Variants in CSMD1 observed in about 807,000 individuals in gnomAD.
The protein encoded by CSMD1 is CUB and Sushi multiple domains 1.
CSMD1 carries 213 observed loss-of-function variants against 417.5 expected under a neutral mutation model. The ratio of observed to expected loss-of-function variants is 0.51; its 90% CI spans 0.46 to 0.57. The LOEUF (loss-of-function observed/expected upper bound fraction) is 0.57. CSMD1 is among the 20% of genes least tolerant of loss of function. The probability of loss-of-function intolerance (pLI) is 0.00; values close to 1 mark genes in which losing one functional copy is unlikely to be tolerated. For synonymous variants in CSMD1, 2,862 were observed against 1,736.8 expected (o/e 1.65, Z -16.11); for missense variants, 6,923 against 4,529.7 (o/e 1.53, Z -15.17).
At chr8:4,488,409 C>G (rs62479708) in intron 2 of CSMD1, among the ~76,000 whole-genome samples, 13,715 of 152,052 alleles carry the variant, frequency 0.09, 644 homozygotes, top group South Asian at 0.1. Flanking sequence ...GGGGCTTGAT[C>G]TCGTTGCCTC....
At chr8:4,616,447 G>C (rs1471343897) in intron 2 of CSMD1, among the ~76,000 whole-genome samples, 1 of 152,170 alleles carries the variant, frequency 6.6e-6, no homozygotes, top group Non-Finnish European at 1.5e-5. Context: ...GTCTGTAAGA[G>C]TAAAACTAAC....
At position 4,564,020 on chromosome 8, in the gene CSMD1, T is replaced by A. The variant is rs577309014; in HGVS notation, c.302+73322A>T. 3.9e-5 allele frequency among the ~76,000 whole-genome samples: 6 copies of A among 152,208 alleles called. No homozygotes were observed. The South Asian group carries it at 1.2e-3, about 32-fold the overall frequency. Reference sequence around the variant, plus strand: ...AAAATGAGGAGTTACGCCCATGGAGTTGCAACTCATGGAAGCCCAGTTAGC... The same window carrying A: ...AAAATGAGGAGTTACGCCCATGGAGATGCAACTCATGGAAGCCCAGTTAGC... On this transcript the variant is annotated intron_variant, in intron 2 of 69. Transcript: ENST00000635120.
intron 1 of CSMD1, among the ~76,000 whole-genome samples, chr8:4,915,654 G>A (rs561404992): frequency 4.7e-4 from 72 of 152,302 alleles, no homozygotes; most frequent in Non-Finnish European, 8.5e-4. Flanking sequence ...CCCAGACCTC[G>A]GACGAGGGAA....
At chr8:3,793,193 T>C (rs1799845298) in intron 5 of CSMD1, among the ~76,000 whole-genome samples, 1 of 152,200 alleles carries the variant, frequency 6.6e-6, no homozygotes, top group African/African-American at 2.4e-5. Flanking sequence ...TTTTTCTGTT[T>C]AGCAATTTTT....
intron 5 of CSMD1, among the ~76,000 whole-genome samples, chr8:3,995,649 G>T (rs1418978554): frequency 6.6e-6 from 1 of 152,176 alleles, no homozygotes; most frequent in Non-Finnish European, 1.5e-5. Flanking sequence ...GCATATCTCA[G>T]TTTTATTTTT....
At chr8:3,251,545 G>A (rs549063682) in intron 26 of CSMD1, among the ~76,000 whole-genome samples, 14 of 152,174 alleles carry the variant, frequency 9.2e-5, no homozygotes, top group South Asian at 4.1e-4. Context: ...TTGGCGATGC[G>A]GGCTCTTTTT....
chr8:3,923,793 T>G lies in CSMD1; in HGVS notation c.818+74110A>C, dbSNP rs1809448391. Among the ~76,000 whole-genome samples, 5 of 152,212 alleles carry G rather than the reference T, an allele frequency of 3.3e-5. No individual in the cohort carries two copies. The South Asian group carries it at 1.0e-3, about 31-fold the overall frequency. ...TTTCACCTTTTCACCAAGCTCATAG[T>G]TACCACTGTTCTACTCCCTGCGTCT... On this transcript the variant is annotated intron_variant, in intron 5 of 69. Transcript: ENST00000635120.
At chr8:4,882,591 C>G (rs1402970299) in intron 1 of CSMD1, among the ~76,000 whole-genome samples, 1 of 151,844 alleles carries the variant, frequency 6.6e-6, no homozygotes, top group African/African-American at 2.4e-5. Flanking sequence ...CAACCCCAAG[C>G]ATAGAGAAAG....
intron 2 of CSMD1, 104 bp from the exon 3 acceptor site, chr8:4,420,169 T>C: frequency 1.5e-6 from 1 of 687,516 alleles, no homozygotes; most frequent in Non-Finnish European, 2.5e-6. Context: ...GTATATTCAC[T>C]TGAAATATGG....
chr8:4,925,562 T>G (rs933234092), intron 1 of CSMD1, among the ~76,000 whole-genome samples: 1 of 152,048 alleles, frequency 6.6e-6, no homozygotes, highest in South Asian at 2.1e-4. Flanking sequence ...TTTCTTTTTT[T>G]TTGAGACGGA....
At chr8:3,751,286 T>C (rs1475396905) in intron 6 of CSMD1, among the ~76,000 whole-genome samples, 1 of 142,972 alleles carries the variant, frequency 7.0e-6, no homozygotes, top group Non-Finnish European at 1.5e-5. Flanking sequence ...TCTCTCCTTA[T>C]ATATACAATT....
intron 2 of CSMD1, among the ~76,000 whole-genome samples, chr8:4,511,351 C>G (rs574579483): frequency 6.6e-6 from 1 of 152,168 alleles, no homozygotes; most frequent in African/African-American, 2.4e-5. Flanking sequence ...AGAGGAGGGG[C>G]ATGCAGGCTT....
intron 33 of CSMD1, among the ~76,000 whole-genome samples, chr8:3,197,137 G>T (rs963329297): frequency 6.6e-6 from 1 of 152,190 alleles, no homozygotes; most frequent in Non-Finnish European, 1.5e-5. Flanking sequence ...CAGAAAGATG[G>T]TAACATCATC....
At chr8:2,958,450 C>T (rs1803183402) in intron 62 of CSMD1, among the ~76,000 whole-genome samples, 1 of 151,518 alleles carries the variant, frequency 6.6e-6, no homozygotes, top group Admixed American at 6.6e-5. Flanking sequence ...CCACTCACCA[C>T]AGTGTCCTGG....
intron 10 of CSMD1, among the ~76,000 whole-genome samples, chr8:3,570,458 C>G (rs571869626): frequency 6.6e-6 from 1 of 152,272 alleles, no homozygotes; most frequent in African/African-American, 2.4e-5. Context: ...CATCTCTAGC[C>G]AAACATGCCT....
intron 1 of CSMD1, among the ~76,000 whole-genome samples, chr8:4,844,137 C>A (rs1013990871): frequency 6.6e-6 from 1 of 152,092 alleles, no homozygotes; most frequent in Non-Finnish European, 1.5e-5. Flanking sequence ...ATTTACAAAT[C>A]ATATTTTTTC....
intron 5 of CSMD1, among the ~76,000 whole-genome samples, chr8:3,954,374 CT>C (rs144083642): frequency 0.049 from 7,503 of 151,702 alleles, 619 homozygotes; most frequent in African/African-American, 0.17. Flanking sequence ...ACTTTTTTTT[CT>C]TTTTTGAGAC....
intron 7 of CSMD1, among the ~76,000 whole-genome samples, chr8:3,669,269 T>C (rs1798861183): frequency 6.6e-6 from 1 of 152,234 alleles, no homozygotes; most frequent in Non-Finnish European, 1.5e-5. Context: ...ATGTCTCATC[T>C]GTGTTTTCTC....
chr8:3,362,395 A>G (rs1483741578), intron 20 of CSMD1, among the ~76,000 whole-genome samples: 2 of 152,170 alleles, frequency 1.3e-5, no homozygotes, highest in South Asian at 2.1e-4. Flanking sequence ...CCAATGGTCA[A>G]TTCTTAGGCT....
Sources: allele counts gnomAD v4.1 joint callset (sites outside exome capture counted in the v4.1 genomes callset), GRCh38; gene constraint gnomAD v4.1.1; transcripts MANE v1.5; gene names NCBI Gene and HGNC (gene_info 2026-07-23, HGNC 2026-07-21).